SHISA9: variants seen among roughly 807,000 people sequenced by gnomAD.
SHISA9 encodes the protein protein shisa-9.
SHISA9 carries 13 observed loss-of-function variants against 38.0 expected under a neutral mutation model. The observed-to-expected ratio is 0.34, with a 90% CI of 0.22 to 0.54. SHISA9 has a LOEUF of 0.54. Ranked by LOEUF, SHISA9 falls within the 20% of genes least tolerant of loss-of-function variation. SHISA9 has a pLI of 0.91. For missense variants in SHISA9, 538 were observed against 575.8 expected (o/e 0.93, Z 0.67); for synonymous variants, 275 against 242.0 (o/e 1.14, Z -1.27).
intron 2 of SHISA9, 96 bp from the exon 3 acceptor site, chr16:13,203,298 G>C: frequency 8.2e-7 from 1 of 1,221,514 alleles, no homozygotes; most frequent in Non-Finnish European, 1.1e-6. Context: ...CCTAAAGGGT[G>C]GGGAGAGTTT....
the SHISA9 span, among the ~76,000 whole-genome samples, chr16:13,287,894 A>C: frequency 1.3e-5 from 2 of 152,152 alleles, no homozygotes; most frequent in African/African-American, 2.4e-5. Flanking sequence ...TTTTCACCTG[A>C]GAGTAAGGGA....
At chr16:13,284,278 A>G in the SHISA9 span, among the ~76,000 whole-genome samples, 1 of 152,020 alleles carries the variant, frequency 6.6e-6, no homozygotes, top group South Asian at 2.1e-4. Flanking sequence ...CCTGTTTTCC[A>G]CCGTCTGAAA....
chr16:12,923,649 A>T (rs938637727), intron 2 of SHISA9, among the ~76,000 whole-genome samples: 3 of 152,120 alleles, frequency 2.0e-5, no homozygotes, highest in African/African-American at 7.2e-5. Context: ...GTTTGTGCCT[A>T]TTTGAAAATA....
intron 2 of SHISA9, among the ~76,000 whole-genome samples, chr16:13,104,495 T>C (rs2073907919): frequency 6.6e-6 from 1 of 152,208 alleles, no homozygotes. Context: ...GGTATATCCA[T>C]ATAATGGAAT....
the SHISA9 span, among the ~76,000 whole-genome samples, chr16:13,389,591 T>C: frequency 1.3e-5 from 2 of 152,284 alleles, no homozygotes; most frequent in Non-Finnish European, 2.9e-5. Context: ...TTTTATTGAA[T>C]TAAATTAGGG....
the SHISA9 span, among the ~76,000 whole-genome samples, chr16:13,384,750 C>A: frequency 6.6e-6 from 1 of 152,158 alleles, no homozygotes; most frequent in African/African-American, 2.4e-5. Context: ...GACACAAACA[C>A]AAAGATTTGA....
chr16:13,561,111 G>A, the SHISA9 span, among the ~76,000 whole-genome samples: 1 of 152,120 alleles, frequency 6.6e-6, no homozygotes, highest in African/African-American at 2.4e-5. Flanking sequence ...TGAACTGCCC[G>A]CTTCAGCCAG....
chr16:13,095,964 A>T (rs2073821896), intron 2 of SHISA9, among the ~76,000 whole-genome samples: 1 of 152,146 alleles, frequency 6.6e-6, no homozygotes, highest in African/African-American at 2.4e-5. Context: ...TTCCCAGGTG[A>T]TGCTGTTGCT....
the SHISA9 span, among the ~76,000 whole-genome samples, chr16:13,317,423 G>T: frequency 2.6e-5 from 4 of 152,120 alleles, no homozygotes; most frequent in Non-Finnish European, 5.9e-5. Context: ...AAGAGTTCAG[G>T]CTTTGGGTTC....
intron 4 of SHISA9, among the ~76,000 whole-genome samples, chr16:13,230,042 T>A (rs1344019837): frequency 1.3e-5 from 2 of 152,142 alleles, no homozygotes; most frequent in African/African-American, 4.8e-5. Context: ...CCTGATCAGA[T>A]CAAGGCCCCT....
chr16:13,411,407 G>A, the SHISA9 span, among the ~76,000 whole-genome samples: 1 of 152,152 alleles, frequency 6.6e-6, no homozygotes, highest in Admixed American at 6.5e-5. Context: ...TGTAGCAATG[G>A]CCATATGCAA....
chr16:13,155,290 C>G (rs894600411), intron 2 of SHISA9, among the ~76,000 whole-genome samples: 1 of 152,028 alleles, frequency 6.6e-6, no homozygotes, highest in Non-Finnish European at 1.5e-5. Context: ...TTGGATATCA[C>G]AGAATGGAAC....
chr16:13,367,200 A>G, the SHISA9 span, among the ~76,000 whole-genome samples: 1 of 151,398 alleles, frequency 6.6e-6, no homozygotes, highest in East Asian at 1.9e-4. Flanking sequence ...ATGATTGTCA[A>G]CAACCATTCA....
At chr16:13,032,390 A>G (rs1316741359) in intron 2 of SHISA9, among the ~76,000 whole-genome samples, 1 of 152,146 alleles carries the variant, frequency 6.6e-6, no homozygotes, top group African/African-American at 2.4e-5. Flanking sequence ...TCCATGGTGT[A>G]TATGTGCCAC....
At chr16:13,140,920 A>G (rs2050396628) in intron 2 of SHISA9, among the ~76,000 whole-genome samples, 1 of 152,190 alleles carries the variant, frequency 6.6e-6, no homozygotes, top group Non-Finnish European at 1.5e-5. Context: ...AGGATTATCT[A>G]GAAATACTGG....
chr16:13,393,801 G>T, the SHISA9 span, among the ~76,000 whole-genome samples: 1 of 152,192 alleles, frequency 6.6e-6, no homozygotes, highest in African/African-American at 2.4e-5. Flanking sequence ...GGCTGTCTCT[G>T]TGTCATACTG....
In SHISA9 at chr16:12,961,755, C is replaced by T. The variant is rs559425403; in HGVS notation, c.691+44940C>T. 1.2e-3 allele frequency among the ~76,000 whole-genome samples: 170 copies of T among 145,482 alleles called. 2 individuals are homozygous for T. Among genetic ancestry groups the T allele is most frequent in the Non-Finnish European group, 7.0e-4 (45 of 63,984 alleles). On this transcript the variant is annotated intron_variant, in intron 2 of 4. Coordinates refer to ENST00000558583, the MANE Select transcript of SHISA9 (RefSeq NM_001145204.3). ...CCAGAAGGCACAGGAGTTCAGTGCA[C>T]TAGAAATTTCCCTCCAATCAGCTCT...
At chr16:13,277,475 G>A in the SHISA9 span, among the ~76,000 whole-genome samples, 1 of 151,792 alleles carries the variant, frequency 6.6e-6, no homozygotes, top group Non-Finnish European at 1.5e-5. Flanking sequence ...GTATTTTGAT[G>A]AGGATTGCAT....
the SHISA9 span, among the ~76,000 whole-genome samples, chr16:13,305,228 A>G: frequency 1.3e-5 from 2 of 152,160 alleles, no homozygotes; most frequent in African/African-American, 4.8e-5. Flanking sequence ...AGTTTTTACT[A>G]CAATCTGTCA....
Sources: allele counts gnomAD v4.1 joint callset (sites outside exome capture counted in the v4.1 genomes callset), GRCh38; gene constraint gnomAD v4.1.1; transcripts MANE v1.5; gene names NCBI Gene and HGNC (gene_info 2026-07-23, HGNC 2026-07-21).